The following PCDHA4 variants were observed in gnomAD, a reference collection of about 807,000 sequenced individuals.
PCDHA4 encodes protocadherin alpha-4.
PCDHA4 carries 49 observed loss-of-function variants against 61.4 expected under a neutral mutation model. That is an observed-to-expected ratio of 0.80 (90% confidence interval 0.63 to 1.01). The LOEUF (loss-of-function observed/expected upper bound fraction) is 1.01, where lower values mean the gene tolerates loss of function less well. Ranked by LOEUF, PCDHA4 falls within the 50% of genes least tolerant of loss-of-function variation. PCDHA4 has a pLI of 0.00. For synonymous variants in PCDHA4, 590 were observed against 550.3 expected (o/e 1.07, Z -1.01); for missense variants, 1,254 against 1,235.8 (o/e 1.01, Z -0.22).
chr5:140,893,138 A>G (rs1336386852), intron 1 of PCDHA4, among the ~76,000 whole-genome samples: 1 of 152,142 alleles, frequency 6.6e-6, no homozygotes, highest in Non-Finnish European at 1.5e-5. Context: ...TTCTTTATCC[A>G]CTCATCTGTT....
chr5:140,880,417 G>A (rs1202890717), intron 1 of PCDHA4, among the ~76,000 whole-genome samples: 15 of 152,250 alleles, frequency 9.9e-5, no homozygotes, highest in South Asian at 2.1e-4. Context: ...CCTTAAAAGC[G>A]GGAACAGTTT....
At chr5:140,997,472 C>CACA (rs1386540010) in intron 3 of PCDHA4, among the ~76,000 whole-genome samples, 12 of 152,120 alleles carry the variant, frequency 7.9e-5, no homozygotes, top group Non-Finnish European at 1.8e-4. Context: ...GCAATTTTTA[C>CACA]ACAATGATAA....
At chr5:140,815,072 A>G (rs1396977561) in intron 1 of PCDHA4, 2 of 152,148 alleles carry the variant, frequency 1.3e-5, no homozygotes, top group Non-Finnish European at 2.9e-5. Context: ...CAGGCTATCC[A>G]GGTCTTTAAA....
At chr5:141,006,579 T>C (rs1208750821) in intron 3 of PCDHA4, among the ~76,000 whole-genome samples, 1 of 151,702 alleles carries the variant, frequency 6.6e-6, no homozygotes, top group Non-Finnish European at 1.5e-5. Context: ...GTGTGGAGGG[T>C]TGGAGAGAAG....
chr5:140,962,269 T>A (rs1554225906), intron 1 of PCDHA4, among the ~76,000 whole-genome samples: 1 of 152,194 alleles, frequency 6.6e-6, no homozygotes, highest in Non-Finnish European at 1.5e-5. Flanking sequence ...TTTTATAATT[T>A]AAAAAACCTC....
chr5:140,969,225 C>G (rs782766938), intron 1 of PCDHA4: 13 of 1,614,118 alleles, frequency 8.1e-6, no homozygotes, highest in Admixed American at 1.7e-5. Flanking sequence ...CCAGGGCCTT[C>G]GGGAGCCCAA....
At chr5:140,937,836 T>C (rs2091788765) in intron 1 of PCDHA4, among the ~76,000 whole-genome samples, 1 of 150,366 alleles carries the variant, frequency 6.7e-6, no homozygotes, top group Non-Finnish European at 1.5e-5. Flanking sequence ...GGCATGAACC[T>C]GGAAGGCGGA....
chr5:140,916,229 A>G (rs2077489205), intron 1 of PCDHA4, among the ~76,000 whole-genome samples: 2 of 152,190 alleles, frequency 1.3e-5, no homozygotes, highest in African/African-American at 4.8e-5. Flanking sequence ...TATGCTTTCC[A>G]GGAGCCAAAG....
intron 1 of PCDHA4, chr5:140,856,832 C>A (rs2044230469): frequency 3.1e-6 from 5 of 1,590,918 alleles, no homozygotes; most frequent in Non-Finnish European, 4.3e-6. Context: ...ATTAGTAATA[C>A]GGCTCAACGC....
chr5:140,997,672 GTGT>G (rs1226412114), intron 3 of PCDHA4, among the ~76,000 whole-genome samples: 3 of 148,192 alleles, frequency 2.0e-5, no homozygotes, highest in African/African-American at 7.5e-5. Context: ...TACAGCTTGT[GTGT>G]GTGTGTGTGT....
At chr5:140,982,409 G>A (rs1554244106) in intron 2 of PCDHA4, 66 bp from the exon 3 acceptor site, 20 of 1,608,038 alleles carry the variant, frequency 1.2e-5, no homozygotes, top group Non-Finnish European at 1.6e-5. Flanking sequence ...CAATTTCTGA[G>A]GGTGGAAGAA....
chr5:140,934,053 G>A (rs2089601827), intron 1 of PCDHA4, among the ~76,000 whole-genome samples: 1 of 151,758 alleles, frequency 6.6e-6, no homozygotes, highest in African/African-American at 2.4e-5. Flanking sequence ...GTCTTTCCAA[G>A]GCTAACTTTT....
At position 140,835,689 on chromosome 5, in the gene PCDHA4, T is replaced by C. The variant is rs2150242026; in HGVS notation, c.2385+26117T>C. The C allele has an allele frequency of 1.2e-5, 19 of 1,613,884 alleles. No homozygotes were observed. The Middle Eastern group carries it at 6.6e-4, about 56-fold the overall frequency. ...GCGGGACGGGGGCTCGCCTTCTCTG[T>C]GGGCCACTGCTAGCGTGTCCGTGGA... On this transcript the variant is annotated intron_variant, in intron 1 of 3. Coordinates refer to ENST00000530339, the MANE Select transcript of PCDHA4 (RefSeq NM_018907.4).
At chr5:140,842,366 G>C in intron 1 of PCDHA4, 1 of 1,608,006 alleles carries the variant, frequency 6.2e-7, no homozygotes, top group Non-Finnish European at 8.5e-7. Flanking sequence ...TAACGTCCCT[G>C]AGATAGCACT....
chr5:140,923,256 TAGTG>T (rs2153568044), intron 1 of PCDHA4, among the ~76,000 whole-genome samples: 1 of 152,302 alleles, frequency 6.6e-6, no homozygotes, highest in African/African-American at 2.4e-5. Context: ...CTGGGCAACA[TAGTG>T]AGACCTTGTC....
intron 1 of PCDHA4, chr5:140,869,945 T>TC: frequency 6.2e-7 from 1 of 1,612,376 alleles, no homozygotes. Context: ...ACATACTCCT[T>TC]AATGTCAATT....
At chr5:140,834,199 G>T in intron 1 of PCDHA4, 2 of 595,406 alleles carry the variant, frequency 3.4e-6, no homozygotes, top group South Asian at 2.6e-5. Flanking sequence ...GCTCTTTACC[G>T]CAAATTCTTT....
rs1554169418 is a variant in PCDHA4 at position 140,877,179 on chromosome 5, G to C, written c.2385+67607G>C. 3 of 1,613,712 alleles carry C rather than the reference G, an allele frequency of 1.9e-6. No individual in the cohort carries two copies. The South Asian group carries it at 3.3e-5, about 18-fold the overall frequency. ...ACGCGCCGGCACTGCTGGCGACTCCGGCTGGCAGCGCAGGAGGCGCAGTTA... is the reference window on the plus strand; with the variant it reads ...ACGCGCCGGCACTGCTGGCGACTCCCGCTGGCAGCGCAGGAGGCGCAGTTA... On this transcript the variant is annotated intron_variant, in intron 1 of 3. Coordinates refer to ENST00000530339, the MANE Select transcript of PCDHA4 (RefSeq NM_018907.4).
Position 140,809,450 on chromosome 5 carries a change from A to C in PCDHA4, c.2263A>C (p.Arg755=). ...VGSWSYSQQR[R]PRVCSGEGPP... ...GAGCTGGTCATACTCGCAGCAGAGG[A>C]GGCCGAGGGTGTGCTCTGGTGAGGG... The change falls in exon 1 of 4, where the codon AGG becomes CGG. Residue 755 remains arginine (R), a synonymous_variant. Coordinates refer to ENST00000530339, the MANE Select transcript of PCDHA4 (RefSeq NM_018907.4). The C allele has an allele frequency of 6.2e-7, 1 of 1,614,192 alleles. No homozygotes were observed. Among genetic ancestry groups the C allele is most frequent in the Non-Finnish European group, 8.5e-7 (1 of 1,180,004 alleles).
Sources: gnomAD v4.1 joint callset for allele counts (sites outside exome capture counted in the v4.1 genomes callset) on GRCh38, gnomAD v4.1.1 for gene constraint, MANE v1.5 for transcripts, NCBI Gene and HGNC (gene_info 2026-07-23, HGNC 2026-07-21) for gene names.